EXOC6: variants seen among roughly 807,000 people sequenced by gnomAD.
The protein encoded by EXOC6 is exocyst complex component 6.
EXOC6 carries 60 observed loss-of-function variants against 112.5 expected under a neutral mutation model. The ratio of observed to expected loss-of-function variants is 0.53; its 90% CI spans 0.43 to 0.66. EXOC6 has a LOEUF of 0.66. Ranked by LOEUF, EXOC6 falls within the 30% of genes least tolerant of loss-of-function variation. EXOC6 has a pLI of 0.00. For synonymous variants in EXOC6, 295 were observed against 308.0 expected (o/e 0.96, Z 0.44); for missense variants, 855 against 957.1 (o/e 0.89, Z 1.41).
At chr10:92,845,258 A>G (rs977484573), upstream of EXOC6, among the ~76,000 whole-genome samples, 2 of 152,168 alleles carry the variant, frequency 1.3e-5, no homozygotes, top group Non-Finnish European at 2.9e-5. Context: ...ACGTTAAATC[A>G]TTCACTCCTT....
chr10:93,026,186 G>A (rs751595910), intron 20 of EXOC6, among the ~76,000 whole-genome samples: 5 of 152,156 alleles, frequency 3.3e-5, no homozygotes, highest in Non-Finnish European at 7.4e-5. Context: ...TGTTACAGTA[G>A]TACTAACATG....
chr10:92,908,909 T>TTG (rs150892613), intron 5 of EXOC6, among the ~76,000 whole-genome samples: 1,767 of 151,678 alleles, frequency 0.012, 38 homozygotes, highest in African/African-American at 0.039. Flanking sequence ...TACCTGTTTT[T>TTG]TGTGTGTGTG....
intron 7 of EXOC6, among the ~76,000 whole-genome samples, chr10:92,917,533 C>CTT (rs11295643): frequency 3.6e-5 from 5 of 139,500 alleles, no homozygotes; most frequent in Non-Finnish European, 6.2e-5. Flanking sequence ...TTTTTTCTTT[C>CTT]TTTTTTTTTT....
At chr10:93,042,163 A>G (rs1314959061) in intron 20 of EXOC6, among the ~76,000 whole-genome samples, 1 of 152,162 alleles carries the variant, frequency 6.6e-6, no homozygotes, top group Non-Finnish European at 1.5e-5. Context: ...AGTACATGGC[A>G]TTTCCCCATA....
In EXOC6 at chr10:92,994,960, T is replaced by C. The variant is rs988401953; in HGVS notation, c.1954-2514T>C. On this transcript the variant is annotated intron_variant, in intron 18 of 21. Transcript: ENST00000260762. ...ATTTTATAGTTACAAAGTAGACATT[T>C]AAAAAATATTGTATAATCTTATGGA... Among the ~76,000 whole-genome samples the C allele has an allele frequency of 2.6e-5, 4 of 152,094 alleles. 1 individual carries two copies. In the South Asian group the frequency reaches 8.3e-4, roughly 32 times the overall value.
At chr10:93,008,644 C>A (rs947031713) in intron 19 of EXOC6, among the ~76,000 whole-genome samples, 6 of 152,146 alleles carry the variant, frequency 3.9e-5, no homozygotes, top group South Asian at 4.1e-4. Context: ...TTAAAATTGA[C>A]CCCATGAATT....
At chr10:93,004,579 A>T (rs1225961756) in intron 19 of EXOC6, among the ~76,000 whole-genome samples, 1 of 152,192 alleles carries the variant, frequency 6.6e-6, no homozygotes, top group African/African-American at 2.4e-5. Context: ...GTTATTTTTT[A>T]AAATGTTTCC....
intron 20 of EXOC6, among the ~76,000 whole-genome samples, chr10:93,055,375 A>G (rs1480011220): frequency 6.6e-6 from 1 of 152,212 alleles, no homozygotes; most frequent in Admixed American, 6.5e-5. Context: ...TAACACAAAT[A>G]ACATTTTTGA....
chr10:93,008,951 G>A (rs1349702847), intron 19 of EXOC6, among the ~76,000 whole-genome samples: 2 of 152,192 alleles, frequency 1.3e-5, no homozygotes, highest in East Asian at 1.9e-4. Flanking sequence ...TGGATGCAGT[G>A]CCTCATACCT....
intron 20 of EXOC6, among the ~76,000 whole-genome samples, chr10:93,046,103 CAT>C (rs1845991513): frequency 1.3e-5 from 2 of 152,112 alleles, no homozygotes; most frequent in Non-Finnish European, 2.9e-5. Flanking sequence ...CAAAAGGTAA[CAT>C]ATGCAGTGAA....
chr10:92,934,181 A>T lies in EXOC6; in HGVS notation c.1010A>T (p.Gln337Leu). Residue 337 changes from glutamine to leucine, a missense_variant, in exon 10 of 22, where the codon CAA (glutamine) becomes CTA (leucine). Gln to Leu is a moderately radical substitution (Grantham distance 113). Transcript: ENST00000260762. ...GATGGCTATAGAAGATATTTCACTCAAATTGTAGGGTATGTATCTAATATG... is the reference window on the plus strand; with the variant it reads ...GATGGCTATAGAAGATATTTCACTCTAATTGTAGGGTATGTATCTAATATG... Reference protein sequence around the residue: ...TVDGYRRYFTQIVGFFVVEDH... With the variant: ...TVDGYRRYFTLIVGFFVVEDH... The T allele has an allele frequency of 6.4e-7, 1 of 1,553,080 alleles. No individual in the cohort carries two copies. Among genetic ancestry groups the T allele is most frequent in the Non-Finnish European group, 8.8e-7 (1 of 1,135,252 alleles).
At chr10:93,057,710 T>C (rs1363865880) in intron 21 of EXOC6, among the ~76,000 whole-genome samples, 1 of 152,204 alleles carries the variant, frequency 6.6e-6, no homozygotes, top group African/African-American at 2.4e-5. Context: ...AATTTTAAAT[T>C]AAAATTGTTA....
intron 9 of EXOC6, among the ~76,000 whole-genome samples, chr10:92,930,504 A>AAT (rs1564839579): frequency 3.1e-4 from 47 of 149,264 alleles, no homozygotes; most frequent in Non-Finnish European, 4.9e-4. Context: ...ACTCTGTCTC[A>AAT]AATAATAATA....
intron 21 of EXOC6, 83 bp from the exon 22 acceptor site, chr10:93,058,140 A>G: frequency 1.6e-6 from 2 of 1,280,768 alleles, no homozygotes; most frequent in Admixed American, 4.9e-5. Context: ...GGGATAATTC[A>G]GAGCATGCCA....
At chr10:93,006,231 C>T (rs1343656089) in intron 19 of EXOC6, among the ~76,000 whole-genome samples, 2 of 151,512 alleles carry the variant, frequency 1.3e-5, no homozygotes, top group African/African-American at 2.4e-5. Flanking sequence ...AGAGTTTTAG[C>T]GACTATGACC....
rs58439083 is a variant in EXOC6 at position 93,050,759 on chromosome 10, C to CAAAAAA, written c.2170-6148_2170-6143dup. Among the ~76,000 whole-genome samples, 19 of 37,296 alleles carry CAAAAAA rather than the reference C, an allele frequency of 5.1e-4. 2 individuals are homozygous for CAAAAAA. Among genetic ancestry groups the CAAAAAA allele is most frequent in the East Asian group, 1.7e-3 (2 of 1,168 alleles). 24.5% of individuals were successfully genotyped at this position (37,296 alleles called of 152,430 possible). A position where few individuals can be genotyped will look rare whatever the true frequency, so the allele number is the denominator to read the frequency against. ...TGGGCAACAAAGCGAGACTCCGTCT[C>CAAAAAA]AAAAAAAAAAAAAAAAAAAAAAGAA... On this transcript the variant is annotated intron_variant, in intron 20 of 21. Coordinates refer to ENST00000260762, the MANE Select transcript of EXOC6 (RefSeq NM_019053.6).
chr10:93,055,766 A>T (rs1846510336), intron 20 of EXOC6, among the ~76,000 whole-genome samples: 1 of 152,188 alleles, frequency 6.6e-6, no homozygotes, highest in Admixed American at 6.5e-5. Flanking sequence ...TTCCATAGTT[A>T]ATATTTTCAT....
chr10:92,974,761 T>C (rs976498421), intron 18 of EXOC6, among the ~76,000 whole-genome samples: 18 of 151,978 alleles, frequency 1.2e-4, no homozygotes, highest in Non-Finnish European at 1.8e-4. Flanking sequence ...GGAGACGGGG[T>C]TTCGCTGTGT....
At chr10:92,974,801 C>T (rs578239059) in intron 18 of EXOC6, among the ~76,000 whole-genome samples, 24 of 152,304 alleles carry the variant, frequency 1.6e-4, no homozygotes, top group African/African-American at 4.8e-4. Flanking sequence ...CTCCTAACCG[C>T]GAGTGATCCG....
Sources: allele counts gnomAD v4.1 joint callset (sites outside exome capture counted in the v4.1 genomes callset), GRCh38; gene constraint gnomAD v4.1.1; transcripts MANE v1.5; gene names NCBI Gene and HGNC (gene_info 2026-07-23, HGNC 2026-07-21).